The following ADCY8 variants were observed in gnomAD, a reference collection of about 807,000 sequenced individuals.
ADCY8 encodes the protein adenylate cyclase 8, also known as adenylate cyclase type 8.
ADCY8 carries 51 observed loss-of-function variants against 119.7 expected under a neutral mutation model. The ratio of observed to expected loss-of-function variants is 0.43; its 90% CI spans 0.34 to 0.54. The LOEUF is 0.54. ADCY8 is among the 20% of genes least tolerant of loss of function. The pLI, the probability that ADCY8 is intolerant of heterozygous loss-of-function variation, is 0.03. For missense variants in ADCY8, 1,383 were observed against 1,598.8 expected, an observed-to-expected ratio of 0.87 and a Z score of 2.30; for synonymous variants, 665 against 651.0, an observed-to-expected ratio of 1.02 and a Z score of -0.33.
intron 7 of ADCY8, among the ~76,000 whole-genome samples, chr8:130,902,723 A>G (rs186373252): frequency 1.6e-4 from 24 of 152,304 alleles, no homozygotes; most frequent in African/African-American, 5.5e-4. Flanking sequence ...GTTGAGGTCT[A>G]TGGAATTTAA....
intron 11 of ADCY8, among the ~76,000 whole-genome samples, chr8:130,846,479 T>C (rs1817298964): frequency 1.3e-5 from 2 of 152,078 alleles, no homozygotes; most frequent in African/African-American, 4.8e-5. Context: ...TTTCTGCCTT[T>C]GTAATTCCCT....
In ADCY8 at chr8:130,807,801, G is replaced by A. The variant is rs182178551; in HGVS notation, c.2913+6268C>T. On this transcript the variant is annotated intron_variant, in intron 14 of 17. Transcript: ENST00000286355. ...AGATCGAGACCATCCCGGCTAAAAC[G>A]GTGAAACCCTGTCTCTACTAAAAAT... is the stretch of plus-strand genomic sequence containing the variant. Among the ~76,000 whole-genome samples, 253 of 151,040 alleles carry A rather than the reference G, an allele frequency of 1.7e-3. 6 individuals carry two copies. In the East Asian group the frequency reaches 0.044, roughly 26 times the overall value.
At chr8:130,808,975 G>GT in intron 14 of ADCY8, among the ~76,000 whole-genome samples, 1 of 11,190 alleles carries the variant, frequency 8.9e-5, no homozygotes, top group Non-Finnish European at 1.5e-4. Flanking sequence ...AGATACTCAG[G>GT]CCGGACCTCC....
intron 4 of ADCY8, among the ~76,000 whole-genome samples, chr8:130,940,252 G>T (rs544727860): frequency 2.9e-4 from 44 of 152,296 alleles, no homozygotes; most frequent in African/African-American, 1.1e-3. Context: ...GGGGCTCCAT[G>T]CTCTCTCTTG....
intron 5 of ADCY8, among the ~76,000 whole-genome samples, chr8:130,929,423 T>G (rs1820567080): frequency 6.6e-6 from 1 of 152,212 alleles, no homozygotes. Context: ...TTGTTTAATT[T>G]CAATGTATTT....
Position 130,785,405 on chromosome 8 carries a change from G to C in ADCY8, c.3131C>G (p.Ser1044Ter). 2 of 1,608,146 alleles carry C rather than the reference G, an allele frequency of 1.2e-6. No individual in the cohort carries two copies. The highest frequency in any genetic ancestry group is 1.7e-6 in the Non-Finnish European group (2 of 1,177,128). Residue 1044 changes from serine (S) to a stop codon, truncating the protein, a stop_gained, in exon 16 of 18, where the codon TCA (serine) becomes TGA (stop). Coordinates refer to ENST00000286355, the MANE Select transcript of ADCY8 (RefSeq NM_001115.3). LOFTEE classifies it high-confidence loss of function. ...KTIGSTYMAV[S>*]GLSPEKQQCE... Reference sequence around the variant, plus strand: ...TACCTGTTTTTCAGGTGACAGGCCTGACACGGCCATGTAGGTGCTGCCAAT... The same window carrying C: ...TACCTGTTTTTCAGGTGACAGGCCTCACACGGCCATGTAGGTGCTGCCAAT...
chr8:131,019,835 CTCTGTCTG>C (rs1175981334), intron 1 of ADCY8, among the ~76,000 whole-genome samples: 82 of 99,384 alleles, frequency 8.3e-4, no homozygotes, highest in African/African-American at 3.4e-3. Flanking sequence ...CTCTCTCTCT[CTCTGTCTG>C]TCTCTCTCTC....
intron 9 of ADCY8, among the ~76,000 whole-genome samples, chr8:130,851,665 T>A (rs79193710): frequency 0.013 from 1,990 of 152,156 alleles, 42 homozygotes; most frequent in African/African-American, 0.046. Context: ...AGGGGAACAG[T>A]ATGATAATTG....
chr8:130,805,849 C>T (rs263236), intron 14 of ADCY8, among the ~76,000 whole-genome samples: 141,402 of 152,236 alleles, frequency 0.93, 65,774 homozygotes, highest in Middle Eastern at 0.95. Context: ...TGGCTTGCCA[C>T]ATGTGAGGAG....
At chr8:130,844,014 G>A (rs1398313783) in intron 11 of ADCY8, among the ~76,000 whole-genome samples, 3 of 152,040 alleles carry the variant, frequency 2.0e-5, no homozygotes. Context: ...GGAAGGAAAT[G>A]CCAGCATGCC....
At chr8:130,812,288 G>A (rs1208532266) in intron 14 of ADCY8, among the ~76,000 whole-genome samples, 3 of 152,002 alleles carry the variant, frequency 2.0e-5, no homozygotes, top group African/African-American at 7.3e-5. Flanking sequence ...ATTAGGCTCT[G>A]TCTAGGGTTT....
intron 4 of ADCY8, among the ~76,000 whole-genome samples, chr8:130,940,801 T>C (rs1563737513): frequency 6.6e-6 from 1 of 152,192 alleles, no homozygotes; most frequent in Non-Finnish European, 1.5e-5. Flanking sequence ...TTTCCTCTTG[T>C]CTTGATGACT....
intron 5 of ADCY8, among the ~76,000 whole-genome samples, chr8:130,931,991 T>A (rs1416122574): frequency 1.3e-5 from 2 of 152,218 alleles, no homozygotes; most frequent in African/African-American, 2.4e-5. Flanking sequence ...TGATGTCATA[T>A]TTCCCTGATG....
At chr8:130,893,865 TTTA>T (rs1166622900) in intron 7 of ADCY8, among the ~76,000 whole-genome samples, 1,891 of 151,656 alleles carry the variant, frequency 0.012, 40 homozygotes, top group African/African-American at 0.043. Context: ...GGTGTGCATG[TTTA>T]TGTGTGTGTT....
At position 131,016,448 on chromosome 8, in the gene ADCY8, G is replaced by A. The variant is rs77821300; in HGVS notation, c.960+22926C>T. On this transcript the variant is annotated intron_variant, in intron 1 of 17. Coordinates refer to ENST00000286355, the MANE Select transcript of ADCY8 (RefSeq NM_001115.3). ...AAGCCCAGGAGATTGAGTCCTCAGTGAGCTATGATTGCACTACTGCACTCT... is the reference window on the plus strand; with the variant it reads ...AAGCCCAGGAGATTGAGTCCTCAGTAAGCTATGATTGCACTACTGCACTCT... Among the ~76,000 whole-genome samples the A allele has an allele frequency of 4.7e-3, 716 of 152,284 alleles. 6 individuals carry two copies. The highest frequency in any genetic ancestry group is 0.017 in the African/African-American group (695 of 41,566).
intron 8 of ADCY8, among the ~76,000 whole-genome samples, chr8:130,883,366 C>T (rs1392111563): frequency 2.0e-5 from 3 of 152,140 alleles, no homozygotes; most frequent in African/African-American, 7.2e-5. Flanking sequence ...GTGTCTTTTA[C>T]TTTTTTTGTG....
intron 1 of ADCY8, among the ~76,000 whole-genome samples, chr8:131,035,893 A>G (rs1460923329): frequency 6.6e-6 from 1 of 152,182 alleles, no homozygotes; most frequent in Non-Finnish European, 1.5e-5. Flanking sequence ...ACAGATTTGT[A>G]TCTAGCTAAG....
chr8:130,821,335 A>C lies in ADCY8; in HGVS notation c.2754+7T>G, dbSNP rs769049662. 1.2e-6 allele frequency: 2 copies of C among 1,611,340 alleles called. No homozygotes were observed. The highest frequency in any genetic ancestry group is 2.7e-5 in the African/African-American group (2 of 74,884). The stretch of plus-strand genomic sequence containing the variant: ...AACAGAGCAGTCAGAGCGAAATGTT[A>C]GATTACCTGCTGTCCATGGTAGAAC... On this transcript the variant is annotated splice_region_variant and intron_variant, in intron 13 of 17. Coordinates refer to ENST00000286355, the MANE Select transcript of ADCY8 (RefSeq NM_001115.3).
chr8:130,829,175 G>A (rs1466426454), intron 12 of ADCY8, among the ~76,000 whole-genome samples: 1 of 152,208 alleles, frequency 6.6e-6, no homozygotes, highest in Non-Finnish European at 1.5e-5. Flanking sequence ...GGATAAGCCA[G>A]TTTATCGATC....
Sources: gnomAD v4.1 joint callset for allele counts (sites outside exome capture counted in the v4.1 genomes callset) on GRCh38, gnomAD v4.1.1 for gene constraint, MANE v1.5 for transcripts, NCBI Gene and HGNC (gene_info 2026-07-23, HGNC 2026-07-21) for gene names.